The following THADA variants were observed in gnomAD, a reference collection of about 807,000 sequenced individuals.
THADA encodes tRNA (32-2'-O)-methyltransferase regulator THADA.
In THADA, 213 loss-of-function variants were observed where a neutral mutation model predicts 219.8. The ratio of observed to expected loss-of-function variants is 0.97; its 90% CI spans 0.87 to 1.09. The LOEUF (loss-of-function observed/expected upper bound fraction) is 1.09. Ranked by LOEUF, THADA falls within the 50% of genes least tolerant of loss-of-function variation. THADA has a pLI of 0.00. For synonymous variants in THADA, 1,018 were observed against 828.9 expected (o/e 1.23, Z -3.92); for missense variants, 2,956 against 2,311.3 (o/e 1.28, Z -5.72).
At chr2:43,288,954 C>A (rs879603588) in intron 34 of THADA, among the ~76,000 whole-genome samples, 2 of 152,218 alleles carry the variant, frequency 1.3e-5, no homozygotes, top group Non-Finnish European at 2.9e-5. Context: ...ACTTCCCTAT[C>A]CTCCCATCTC....
chr2:43,523,145 G>T (rs1426892328), intron 22 of THADA, among the ~76,000 whole-genome samples: 1 of 151,902 alleles, frequency 6.6e-6, no homozygotes, highest in Non-Finnish European at 1.5e-5. Flanking sequence ...GTGGGATACT[G>T]CTTGAGCCCA....
intron 20 of THADA, among the ~76,000 whole-genome samples, chr2:43,545,328 T>A (rs573385112): frequency 0.017 from 2,528 of 150,952 alleles, 66 homozygotes; most frequent in African/African-American, 0.059. Flanking sequence ...TATTGGTCTA[T>A]AATTCTCTTT....
intron 22 of THADA, among the ~76,000 whole-genome samples, chr2:43,521,914 A>G (rs1692543183): frequency 6.6e-6 from 1 of 152,226 alleles, no homozygotes; most frequent in African/African-American, 2.4e-5. Context: ...TCATCCATCC[A>G]ACTACATGTA....
chr2:43,427,503 T>TTGTGTGTGTGTGTG (rs70963397), intron 28 of THADA, among the ~76,000 whole-genome samples: 3,022 of 140,568 alleles, frequency 0.021, 50 homozygotes, highest in Middle Eastern at 0.05. Context: ...CTCCCAAAGT[T>TTGTGTGTGTGTGTG]TGTGTGTGTG....
rs1312786273 is a variant in THADA, at chr2:43,560,999, A to G, written c.2312-614T>C. On this transcript the variant is annotated intron_variant, in intron 15 of 37. Transcript: ENST00000405975. ...GTCAGTGCACTCCAGCCTGCGCAAC[A>G]GAGTGAGACTTGGTCTCAAAAAAAA... is the stretch of plus-strand genomic sequence containing the variant. 2.0e-5 allele frequency among the ~76,000 whole-genome samples: 3 copies of G among 146,764 alleles called. No homozygotes were observed. The East Asian group carries it at 6.0e-4, about 30-fold the overall frequency.
intron 26 of THADA, among the ~76,000 whole-genome samples, chr2:43,446,267 C>A (rs560170286): frequency 6.6e-6 from 1 of 152,336 alleles, no homozygotes; most frequent in South Asian, 2.1e-4. Flanking sequence ...AAACTTCTAT[C>A]GTTCCTTATA....
intron 36 of THADA, among the ~76,000 whole-genome samples, chr2:43,256,518 C>A (rs550299975): frequency 6.6e-6 from 1 of 152,046 alleles, no homozygotes; most frequent in Non-Finnish European, 1.5e-5. Context: ...CTCAAGTGAT[C>A]CTCCTACCTC....
Position 43,514,683 on chromosome 2 carries a change from A to T in THADA, c.3375-5903T>A, listed in dbSNP as rs1370106615. Among the ~76,000 whole-genome samples the T allele has an allele frequency of 2.0e-3, 171 of 84,202 alleles. 23 individuals carry two copies. Among genetic ancestry groups the T allele is most frequent in the South Asian group, 6.6e-3 (20 of 3,016 alleles). The allele number at this position is 84,202 out of a possible 152,430, so 55.2% of individuals were successfully genotyped here. A position where few individuals can be genotyped will look rare whatever the true frequency, so the allele number is the denominator to read the frequency against. ...TATATAATAATATATAATATATTATATTATATATAATATATATAATATATA... is the reference window on the plus strand; with the variant it reads ...TATATAATAATATATAATATATTATTTTATATATAATATATATAATATATA... On this transcript the variant is annotated intron_variant, in intron 22 of 37. Transcript: ENST00000405975.
At chr2:43,561,570 CTTAG>C (rs983551236) in intron 15 of THADA, among the ~76,000 whole-genome samples, 13 of 152,258 alleles carry the variant, frequency 8.5e-5, no homozygotes, top group Middle Eastern at 6.8e-3. Flanking sequence ...CATTATTATG[CTTAG>C]TTAATTTGAG....
intron 16 of THADA, among the ~76,000 whole-genome samples, chr2:43,558,610 T>C (rs188972062): frequency 1.3e-4 from 20 of 152,286 alleles, no homozygotes; most frequent in Non-Finnish European, 4.4e-5. Context: ...ACTTCTCCCA[T>C]GCTGGATGCT....
chr2:43,512,182 A>G (rs1690560373), intron 22 of THADA, among the ~76,000 whole-genome samples: 2 of 152,180 alleles, frequency 1.3e-5, no homozygotes, highest in African/African-American at 4.8e-5. Context: ...GAACCTCATG[A>G]GCTCTGGGAA....
chr2:43,574,883 T>C lies in THADA; in HGVS notation c.1182A>G (p.Glu394=), dbSNP rs1699691886. Residue 394 remains glutamate, a synonymous_variant, in exon 11 of 38, where the codon GAA becomes GAG. Coordinates refer to ENST00000405975, the MANE Select transcript of THADA (RefSeq NM_022065.5). ...GNSSIVGRLL[E]YVYTHWEHPL... is the part of the protein sequence containing the mutation. ...GATGTTCCCAATGGGTATAGACATA[T>C]TCCAAAAGTCTCCCAACTATACTTG... The C allele has an allele frequency of 6.2e-7, 1 of 1,614,004 alleles. No homozygotes were observed. Among genetic ancestry groups the C allele is most frequent in the Non-Finnish European group, 8.5e-7 (1 of 1,179,892 alleles).
intron 1 of THADA, among the ~76,000 whole-genome samples, chr2:43,594,623 G>T (rs920345752): frequency 6.6e-6 from 1 of 151,422 alleles, no homozygotes; most frequent in Non-Finnish European, 1.5e-5. Context: ...AAATACTTGA[G>T]ATTTTGCCCT....
chr2:43,346,908 C>A (rs1364393375), intron 29 of THADA, among the ~76,000 whole-genome samples: 2 of 152,230 alleles, frequency 1.3e-5, no homozygotes, highest in African/African-American at 4.8e-5. Context: ...AGGAATTCAA[C>A]AAGCATTTGC....
intron 32 of THADA, 39 bp downstream of exon 32, chr2:43,292,795 G>A: frequency 1.3e-6 from 2 of 1,580,954 alleles, no homozygotes; most frequent in Non-Finnish European, 8.6e-7. Context: ...AAAGAATGTG[G>A]GGAGTGTAAA....
In THADA at chr2:43,398,049, A is replaced by G. The variant is rs199694887; in HGVS notation, c.4149T>C (p.Ile1383=). 430 of 1,614,010 alleles carry G rather than the reference A, an allele frequency of 2.7e-4. 1 individual carries two copies. The East Asian group carries it at 9.4e-3, about 35-fold the overall frequency. Residue 1383 remains isoleucine, a synonymous_variant, in exon 29 of 38, where the codon ATT becomes ATC. Coordinates refer to ENST00000405975, the MANE Select transcript of THADA (RefSeq NM_022065.5). ...FVMIDHIPNT[I]RTLLSTLPSC... ...TGGGGAGTGTGGACAACAGAGTTCG[A>G]ATGGTATTAGGAATGTGATCTATCA...
chr2:43,297,881 C>G lies in THADA; in HGVS notation c.4439-4668G>C, dbSNP rs1444862306. On this transcript the variant is annotated intron_variant, in intron 31 of 37. Transcript: ENST00000405975. ...CCCGTCCGGGAGGTGAGGGGCGCCT[C>G]TGCCCGGCCGCCCCTACTGGGAAGT... is the stretch of plus-strand genomic sequence containing the variant. 1.7e-3 allele frequency among the ~76,000 whole-genome samples: 185 copies of G among 111,702 alleles called. 7 individuals are homozygous for G. The highest frequency in any genetic ancestry group is 7.5e-3 in the African/African-American group (159 of 21,206). The allele number at this position is 111,702 out of a possible 152,430, so 73.3% of individuals were successfully genotyped here.
chr2:43,401,120 G>C (rs1042316617), intron 28 of THADA, among the ~76,000 whole-genome samples: 2 of 152,076 alleles, frequency 1.3e-5, no homozygotes, highest in African/African-American at 4.8e-5. Context: ...TATGTTCTAG[G>C]CCTGAATACT....
At position 43,485,254 on chromosome 2, in the gene THADA, A is replaced by T; in HGVS notation, c.3816T>A (p.Asp1272Glu). 1 of 1,612,746 alleles carries T rather than the reference A, an allele frequency of 6.2e-7. No individual in the cohort carries two copies. The highest frequency in any genetic ancestry group is 8.5e-7 in the Non-Finnish European group (1 of 1,179,104). ...CTTACCTATTTGTTTTGGAATGTTCATCCTTTGCCCTTTTAACTCCAAAAA... is the reference window on the plus strand; with the variant it reads ...CTTACCTATTTGTTTTGGAATGTTCTTCCTTTGCCCTTTTAACTCCAAAAA... ...TRIFGVKRAK[D>E]EHSKTNRMTG... is the part of the protein sequence containing the mutation. The change falls in exon 26 of 38, where the codon GAT becomes GAA. Residue 1272 changes from aspartate to glutamate, a missense_variant. Transcript: ENST00000405975.
Sources: allele counts gnomAD v4.1 joint callset (sites outside exome capture counted in the v4.1 genomes callset), GRCh38; gene constraint gnomAD v4.1.1; transcripts MANE v1.5; gene names NCBI Gene and HGNC (gene_info 2026-07-23, HGNC 2026-07-21).